FOXP1: variants seen among roughly 807,000 people sequenced by gnomAD.
FOXP1 encodes forkhead box protein P1.
In FOXP1, 15 loss-of-function variants were observed where a neutral mutation model predicts 98.2. That is an observed-to-expected ratio of 0.15 (90% CI 0.10 to 0.24). FOXP1 has a LOEUF of 0.24. Among genes scored for constraint, FOXP1 ranks in the 10% least tolerant of loss-of-function variants. The probability of loss-of-function intolerance (pLI) is 1.00; values close to 1 mark genes in which losing one functional copy is unlikely to be tolerated. For synonymous variants in FOXP1, 371 were observed against 314.5 expected, an observed-to-expected ratio of 1.18 and a Z score of -1.90; for missense variants, 633 against 848.5, an observed-to-expected ratio of 0.75 and a Z score of 3.15.
chr3:71,541,335 AG>A (rs2044794410), intron 2 of FOXP1, among the ~76,000 whole-genome samples: 2 of 152,244 alleles, frequency 1.3e-5, no homozygotes, highest in South Asian at 4.1e-4. Flanking sequence ...TAAAAAAAGA[AG>A]GGTATGGGAG....
At chr3:71,420,544 G>T (rs2083558301) in intron 3 of FOXP1, among the ~76,000 whole-genome samples, 1 of 152,060 alleles carries the variant, frequency 6.6e-6, no homozygotes, top group Non-Finnish European at 1.5e-5. Flanking sequence ...AACACATACA[G>T]ATACACGCAC....
At chr3:71,434,129 A>C (rs906408872) in intron 3 of FOXP1, among the ~76,000 whole-genome samples, 1 of 152,230 alleles carries the variant, frequency 6.6e-6, no homozygotes, top group African/African-American at 2.4e-5. Context: ...TCAAGATTCA[A>C]AGTCCTGACT....
chr3:71,165,828 G>A (rs1434984625), intron 6 of FOXP1, among the ~76,000 whole-genome samples: 1 of 152,090 alleles, frequency 6.6e-6, no homozygotes, highest in East Asian at 1.9e-4. Flanking sequence ...AGGTGAGGCA[G>A]GCAACAGGCT....
At chr3:71,211,569 T>C (rs2064468913) in intron 5 of FOXP1, among the ~76,000 whole-genome samples, 1 of 152,228 alleles carries the variant, frequency 6.6e-6, no homozygotes, top group Non-Finnish European at 1.5e-5. Context: ...TCCCAAATTG[T>C]AAAAGTTTTA....
chr3:71,573,717 A>G (rs1234620941), intron 2 of FOXP1: 3 of 152,198 alleles, frequency 2.0e-5, no homozygotes, highest in Admixed American at 2.0e-4. Flanking sequence ...CTCCAAAATT[A>G]TTTAAAGTTG....
intron 11 of FOXP1, among the ~76,000 whole-genome samples, chr3:71,021,304 T>C (rs2045394654): frequency 1.3e-5 from 2 of 152,218 alleles, no homozygotes; most frequent in Non-Finnish European, 2.9e-5. Flanking sequence ...ATATGTTCTT[T>C]TATGCCTGGC....
At chr3:71,395,768 A>T (rs944457038) in intron 3 of FOXP1, among the ~76,000 whole-genome samples, 2 of 152,166 alleles carry the variant, frequency 1.3e-5, no homozygotes, top group Admixed American at 1.3e-4. Context: ...TGAATGAATG[A>T]ATCATATCCC....
intron 5 of FOXP1, among the ~76,000 whole-genome samples, chr3:71,269,542 T>C (rs1039322071): frequency 6.6e-6 from 1 of 152,172 alleles, no homozygotes; most frequent in Non-Finnish European, 1.5e-5. Context: ...ACTATAAACA[T>C]TTACGAATTC....
At chr3:71,477,456 T>C (rs1426217930) in intron 3 of FOXP1, among the ~76,000 whole-genome samples, 1 of 152,258 alleles carries the variant, frequency 6.6e-6, no homozygotes, top group Non-Finnish European at 1.5e-5. Flanking sequence ...TCTCATTTCC[T>C]TAATAAAATA....
intron 9 of FOXP1, among the ~76,000 whole-genome samples, chr3:71,048,282 T>C (rs2049319912): frequency 6.6e-6 from 1 of 152,188 alleles, no homozygotes; most frequent in Non-Finnish European, 1.5e-5. Context: ...CTAATAACTA[T>C]ACTTTACAAA....
intron 3 of FOXP1, among the ~76,000 whole-genome samples, chr3:71,414,730 G>A (rs538098967): frequency 6.6e-6 from 1 of 152,320 alleles, no homozygotes; most frequent in East Asian, 1.9e-4. Context: ...GCCTTGCTGG[G>A]AAACACCGGG....
Position 71,047,087 on chromosome 3 carries a change from C to T in FOXP1, c.519G>A (p.Gln173=), listed in dbSNP as rs2106977159. The T allele has an allele frequency of 2.5e-6, 4 of 1,614,006 alleles. No individual in the cohort carries two copies. The highest frequency in any genetic ancestry group is 2.5e-6 in the Non-Finnish European group (3 of 1,179,922). ...GAAAAGCCAACTGCTGGGTAGCCAC[C>T]TGCTGTTGCTGTAAGAAATCAGGAA... ...HAGKQPKEQQ[Q]VATQQLAFQQ... Residue 173 remains glutamine, a synonymous_variant, in exon 10 of 21, where the codon CAG becomes CAA. Coordinates refer to ENST00000649528, the MANE Select transcript of FOXP1 (RefSeq NM_001349338.3).
At chr3:71,056,325 CAT>C (rs774084423) in intron 7 of FOXP1, among the ~76,000 whole-genome samples, 1 of 152,286 alleles carries the variant, frequency 6.6e-6, no homozygotes, top group South Asian at 2.1e-4. Context: ...AAAGGACTGA[CAT>C]ATACCTGTAC....
intron 4 of FOXP1, among the ~76,000 whole-genome samples, chr3:71,335,557 T>A (rs6801488): frequency 0.4 from 61,230 of 151,974 alleles, 14,002 homozygotes; most frequent in East Asian, 0.73. Flanking sequence ...GTAATCCTGA[T>A]TATGAAATGG....
intron 7 of FOXP1, among the ~76,000 whole-genome samples, chr3:71,110,035 T>C (rs921788138): frequency 1.3e-5 from 2 of 152,078 alleles, no homozygotes; most frequent in African/African-American, 2.4e-5. Context: ...CAGACTGAAG[T>C]GCTCAGCAGA....
rs184731416 is a variant in FOXP1 at position 71,276,592 on chromosome 3, A to C, written c.-12+23228T>G. Among the ~76,000 whole-genome samples, 255 of 152,214 alleles carry C rather than the reference A, an allele frequency of 1.7e-3. 1 individual carries two copies. Among genetic ancestry groups the C allele is most frequent in the African/African-American group, 5.8e-3 (241 of 41,524 alleles). On this transcript the variant is annotated intron_variant, in intron 5 of 20. Coordinates refer to ENST00000649528, the MANE Select transcript of FOXP1 (RefSeq NM_001349338.3). ...TGACTGCTGCCTAATTTTAACCCCT[A>C]AGTATATCCTTTTTAAAATTTTATT...
intron 3 of FOXP1, among the ~76,000 whole-genome samples, chr3:71,363,456 C>T (rs749836735): frequency 1.3e-4 from 20 of 152,178 alleles, no homozygotes; most frequent in Non-Finnish European, 2.1e-4. Flanking sequence ...CATTTTAGAA[C>T]GCCAAAATGC....
At chr3:71,204,016 A>C (rs115659172) in intron 5 of FOXP1, among the ~76,000 whole-genome samples, 1 of 151,890 alleles carries the variant, frequency 6.6e-6, no homozygotes, top group African/African-American at 2.4e-5. Flanking sequence ...CACTGTGTAG[A>C]TTTCATTATT....
intron 3 of FOXP1, among the ~76,000 whole-genome samples, chr3:71,396,404 C>T (rs1303247803): frequency 6.6e-6 from 1 of 152,150 alleles, no homozygotes; most frequent in Admixed American, 6.5e-5. Context: ...CTATTATCAT[C>T]TCCATTTTGT....
Sources: gnomAD v4.1 joint callset for allele counts (sites outside exome capture counted in the v4.1 genomes callset) on GRCh38, gnomAD v4.1.1 for gene constraint, MANE v1.5 for transcripts, NCBI Gene and HGNC (gene_info 2026-07-23, HGNC 2026-07-21) for gene names.